HDX: variants seen among roughly 807,000 people sequenced by gnomAD.
HDX encodes the protein chromosome X open reading frame 43.
HDX carries 19 observed loss-of-function variants against 45.2 expected under a neutral mutation model. The ratio of observed to expected loss-of-function variants is 0.42; its 90% CI spans 0.29 to 0.62. The LOEUF (loss-of-function observed/expected upper bound fraction) is 0.62. Among genes scored for constraint, HDX ranks in the 20% least tolerant of loss-of-function variants. The probability of loss-of-function intolerance (pLI) is 0.20; values close to 1 mark genes in which losing one functional copy is unlikely to be tolerated. For missense variants in HDX, 532 were observed against 493.9 expected (o/e 1.08, Z -0.73); for synonymous variants, 188 against 172.8 (o/e 1.09, Z -0.69).
At chrX:84,360,316 T>C (rs2037589907) in intron 6 of HDX, among the ~76,000 whole-genome samples, 1 of 111,953 alleles carries the variant, frequency 8.9e-6, no homozygotes, top group South Asian at 3.7e-4. Context: ...TAGGAACACT[T>C]TTACACTGTA....
intron 10 of HDX, among the ~76,000 whole-genome samples, chrX:84,324,888 TG>T (rs1225657311): frequency 9.0e-6 from 1 of 111,009 alleles, no homozygotes; most frequent in Non-Finnish European, 1.9e-5. Flanking sequence ...ACAGTACTCT[TG>T]GGACCATGTT....
intron 8 of HDX, among the ~76,000 whole-genome samples, chrX:84,334,661 T>TTAAA (rs1555979787): frequency 3.6e-5 from 2 of 55,770 alleles, no homozygotes; most frequent in African/African-American, 6.8e-5. Flanking sequence ...GTGATTTTTT[T>TTAAA]AAAAAAAAAG....
chrX:84,363,199 A>G (rs1237404791), intron 5 of HDX, among the ~76,000 whole-genome samples: 3 of 111,996 alleles, frequency 2.7e-5, no homozygotes, highest in Non-Finnish European at 5.6e-5. Flanking sequence ...AAGAAGACTA[A>G]TCCTCTAGTT....
chrX:84,458,810 C>A (rs1362098396), intron 4 of HDX, among the ~76,000 whole-genome samples: 3 of 111,119 alleles, frequency 2.7e-5, no homozygotes, highest in Admixed American at 1.9e-4. Flanking sequence ...CTGTTTATTG[C>A]AAAATATACT....
chrX:84,453,455 C>T (rs2040047803), intron 4 of HDX, among the ~76,000 whole-genome samples: 1 of 111,467 alleles, frequency 9.0e-6, no homozygotes, highest in Non-Finnish European at 1.9e-5. Flanking sequence ...CATTGAAAAT[C>T]AATGCTGACC....
intron 5 of HDX, among the ~76,000 whole-genome samples, chrX:84,372,555 T>C (rs770868720): frequency 8.9e-6 from 1 of 112,400 alleles, no homozygotes; most frequent in Admixed American, 9.4e-5. Flanking sequence ...TGAAACCTGC[T>C]AGAGTTTTGC....
At chrX:84,498,539 A>G (rs1030055798) in intron 1 of HDX, among the ~76,000 whole-genome samples, 2 of 111,837 alleles carry the variant, frequency 1.8e-5, no homozygotes, top group African/African-American at 6.5e-5. Flanking sequence ...CTGACTCCAC[A>G]ATAAAATAAA....
intron 1 of HDX, among the ~76,000 whole-genome samples, chrX:84,490,249 T>G (rs1181212835): frequency 9.0e-6 from 1 of 111,646 alleles, no homozygotes; most frequent in Non-Finnish European, 1.9e-5. Context: ...TATCAATTAT[T>G]TATGCTCTTA....
At chrX:84,343,253 A>G (rs2037126467) in intron 7 of HDX, among the ~76,000 whole-genome samples, 1 of 110,453 alleles carries the variant, frequency 9.1e-6, no homozygotes, top group Admixed American at 9.7e-5. Context: ...TATATTTAAA[A>G]TGAATGATTT....
intron 2 of HDX, among the ~76,000 whole-genome samples, chrX:84,485,586 C>T (rs928153318): frequency 5.4e-5 from 6 of 111,010 alleles, no homozygotes; most frequent in African/African-American, 3.3e-5. Flanking sequence ...TTAGTAGAGA[C>T]GGGGTTTCAC....
At chrX:84,443,905 A>T (rs1326777854) in intron 4 of HDX, among the ~76,000 whole-genome samples, 1 of 111,926 alleles carries the variant, frequency 8.9e-6, no homozygotes, top group Non-Finnish European at 1.9e-5. Context: ...GAAATAAAAG[A>T]TCAGTAAAAG....
At chrX:84,454,677 C>A (rs1296257911) in intron 4 of HDX, among the ~76,000 whole-genome samples, 1 of 111,026 alleles carries the variant, frequency 9.0e-6, no homozygotes, top group Non-Finnish European at 1.9e-5. Context: ...AGGACACAAG[C>A]CTGGGTAGCA....
At chrX:84,349,542 CACAT>C (rs1189933045) in intron 6 of HDX, among the ~76,000 whole-genome samples, 1 of 92,695 alleles carries the variant, frequency 1.1e-5, no homozygotes, top group Admixed American at 1.3e-4. Flanking sequence ...TATATATACA[CACAT>C]ACATAAGCAT....
chrX:84,421,924 T>C (rs1186328783), intron 5 of HDX, among the ~76,000 whole-genome samples: 2 of 108,833 alleles, frequency 1.8e-5, no homozygotes, highest in African/African-American at 6.7e-5. Context: ...ATATTACAGC[T>C]AAAGAGAGAG....
intron 4 of HDX, among the ~76,000 whole-genome samples, chrX:84,453,250 A>C (rs923728619): frequency 2.0e-4 from 22 of 112,505 alleles, no homozygotes; most frequent in African/African-American, 7.1e-4. Flanking sequence ...AATCTTCATA[A>C]GAACTAAAAA....
intron 5 of HDX, among the ~76,000 whole-genome samples, chrX:84,373,872 C>T (rs2037967630): frequency 1.8e-5 from 2 of 110,554 alleles, no homozygotes; most frequent in African/African-American, 3.3e-5. Flanking sequence ...CCTCTCTCAC[C>T]ACTCCTATTC....
chrX:84,383,252 A>T (rs769075465), intron 5 of HDX, among the ~76,000 whole-genome samples: 4 of 110,932 alleles, frequency 3.6e-5, no homozygotes, highest in Admixed American at 2.9e-4. Context: ...ACTCTCTCTC[A>T]CCCAAAGAGA....
chrX:84,373,431 C>A (rs2037951250), intron 5 of HDX, among the ~76,000 whole-genome samples: 1 of 110,960 alleles, frequency 9.0e-6, no homozygotes. Flanking sequence ...CATCCTGATA[C>A]CAAAGCCTGG....
chrX:84,411,705 T>C (rs1292358550), intron 5 of HDX, among the ~76,000 whole-genome samples: 2 of 111,336 alleles, frequency 1.8e-5, no homozygotes, highest in African/African-American at 6.5e-5. Context: ...TGAGTTCAGG[T>C]CCCAAATATC....
Sources: allele counts gnomAD v4.1 joint callset (sites outside exome capture counted in the v4.1 genomes callset), GRCh38; gene constraint gnomAD v4.1.1; transcripts MANE v1.5; gene names NCBI Gene and HGNC (gene_info 2026-07-23, HGNC 2026-07-21).